The following FOXP1 variants were observed in gnomAD, a reference collection of about 807,000 sequenced individuals.
FOXP1 encodes forkhead box P1.
FOXP1 carries 15 observed loss-of-function variants against 98.2 expected under a neutral mutation model. That is an observed-to-expected ratio of 0.15 (90% CI 0.10 to 0.24). The LOEUF is 0.24. Ranked by LOEUF, FOXP1 falls within the 10% of genes least tolerant of loss-of-function variation. FOXP1 has a pLI of 1.00. For synonymous variants in FOXP1, 371 were observed against 314.5 expected (o/e 1.18, Z -1.90); for missense variants, 633 against 848.5 (o/e 0.75, Z 3.15).
intron 7 of FOXP1, among the ~76,000 whole-genome samples, chr3:71,065,974 T>C (rs971898984): frequency 6.6e-5 from 10 of 151,874 alleles, no homozygotes; most frequent in Non-Finnish European, 1.3e-4. Context: ...AAAAACTTCC[T>C]GGCCTGTATA....
chr3:71,255,879 A>G (rs559245085), intron 5 of FOXP1, among the ~76,000 whole-genome samples: 3 of 152,358 alleles, frequency 2.0e-5, no homozygotes, highest in African/African-American at 7.2e-5. Context: ...AATGAACATG[A>G]AATTAAACAG....
chr3:71,429,492 G>A (rs1388339753), intron 3 of FOXP1, among the ~76,000 whole-genome samples: 6 of 116,072 alleles, frequency 5.2e-5, no homozygotes, highest in African/African-American at 1.3e-4. Context: ...GTGGGGGGGC[G>A]GGAGGGGGGG....
chr3:71,153,801 A>G (rs746811762), intron 6 of FOXP1, among the ~76,000 whole-genome samples: 1 of 152,262 alleles, frequency 6.6e-6, no homozygotes, highest in African/African-American at 2.4e-5. Flanking sequence ...ATCACAAGTC[A>G]GACAACCTAA....
At chr3:70,961,466 A>C (rs1181169632) in intron 20 of FOXP1, among the ~76,000 whole-genome samples, 1 of 146,716 alleles carries the variant, frequency 6.8e-6, no homozygotes, top group Non-Finnish European at 1.5e-5. Context: ...CCTGACCTCA[A>C]GTGATCCACC....
intron 3 of FOXP1, among the ~76,000 whole-genome samples, chr3:71,365,043 T>C (rs923187342): frequency 1.3e-5 from 2 of 152,252 alleles, no homozygotes; most frequent in African/African-American, 4.8e-5. Flanking sequence ...TAATCACATG[T>C]AAACAAGTGG....
chr3:71,573,481 T>C (rs2047495413), intron 2 of FOXP1: 1 of 152,160 alleles, frequency 6.6e-6, no homozygotes, highest in Non-Finnish European at 1.5e-5. Flanking sequence ...TATAAGAATT[T>C]GTTGTAAGCT....
chr3:71,563,115 G>A (rs1446975049), intron 2 of FOXP1, among the ~76,000 whole-genome samples: 2 of 152,176 alleles, frequency 1.3e-5, no homozygotes, highest in African/African-American at 4.8e-5. Context: ...ATGTGTATGT[G>A]TGTGACTGTG....
Position 71,255,850 on chromosome 3 carries a change from G to A in FOXP1, c.-12+43970C>T, listed in dbSNP as rs566254826. 7.2e-5 allele frequency among the ~76,000 whole-genome samples: 11 copies of A among 152,216 alleles called. No homozygotes were observed. In the South Asian group the frequency reaches 2.3e-3, roughly 32 times the overall value. On this transcript the variant is annotated intron_variant, in intron 5 of 20. Coordinates refer to ENST00000649528, the MANE Select transcript of FOXP1 (RefSeq NM_001349338.3). Reference sequence around the variant, plus strand: ...TGGCAAACTTCCCCACAAACTACATGCAAGAAGTAATTAAAGTAAATGAAC... The same window carrying A: ...TGGCAAACTTCCCCACAAACTACATACAAGAAGTAATTAAAGTAAATGAAC...
At chr3:71,388,627 G>A (rs957895745) in intron 3 of FOXP1, among the ~76,000 whole-genome samples, 1 of 151,916 alleles carries the variant, frequency 6.6e-6, no homozygotes, top group Non-Finnish European at 1.5e-5. Context: ...TAAAGCACAA[G>A]GTAACACTTA....
chr3:71,441,412 C>T (rs2085927941), intron 3 of FOXP1, among the ~76,000 whole-genome samples: 1 of 152,238 alleles, frequency 6.6e-6, no homozygotes, highest in Non-Finnish European at 1.5e-5. Flanking sequence ...GTCAACAGCG[C>T]TGAAGTTAGC....
At chr3:71,563,224 A>T (rs1385418854) in intron 2 of FOXP1, among the ~76,000 whole-genome samples, 1 of 152,184 alleles carries the variant, frequency 6.6e-6, no homozygotes, top group Admixed American at 6.6e-5. Flanking sequence ...TGGCTACTCT[A>T]TGGGGTGCAG....
chr3:71,204,416 C>T (rs556879481), intron 5 of FOXP1, among the ~76,000 whole-genome samples: 1 of 152,158 alleles, frequency 6.6e-6, no homozygotes, highest in Admixed American at 6.5e-5. Flanking sequence ...GGATATTAAA[C>T]CAGTTCTGTA....
intron 14 of FOXP1, among the ~76,000 whole-genome samples, chr3:70,984,149 C>A (rs993923207): frequency 1.3e-5 from 2 of 152,190 alleles, no homozygotes; most frequent in African/African-American, 4.8e-5. Context: ...AGAGCTAGAG[C>A]TTAGGGCTGC....
chr3:71,482,709 A>G (rs2090370951), intron 3 of FOXP1, among the ~76,000 whole-genome samples: 1 of 151,738 alleles, frequency 6.6e-6, no homozygotes, highest in East Asian at 2.0e-4. Context: ...CTAATAATAC[A>G]TAACTTTAAA....
chr3:71,527,284 T>C (rs2043466220), intron 2 of FOXP1, among the ~76,000 whole-genome samples: 1 of 152,162 alleles, frequency 6.6e-6, no homozygotes, highest in Non-Finnish European at 1.5e-5. Flanking sequence ...AAGTTAACAA[T>C]GCCTAATGAT....
At chr3:71,342,719 A>C (rs1288702) in intron 4 of FOXP1, among the ~76,000 whole-genome samples, 13,273 of 151,352 alleles carry the variant, frequency 0.088, 648 homozygotes, top group South Asian at 0.15. Flanking sequence ...CCTTGATCCA[A>C]GTCTAAAATC....
rs1030182052 is a variant in FOXP1, at chr3:71,399,929, A to C, written c.-167-40685T>G. Among the ~76,000 whole-genome samples the C allele has an allele frequency of 2.0e-5, 3 of 152,336 alleles. No homozygotes were observed. In the East Asian group the frequency reaches 5.8e-4, roughly 29 times the overall value. On this transcript the variant is annotated intron_variant, in intron 3 of 20. Transcript: ENST00000649528. ...ATGTAGCAAATGCCTAGTATGTTCC[A>C]CATCAATCTGTGAATCCCAAGATAA...
intron 11 of FOXP1, among the ~76,000 whole-genome samples, chr3:71,025,954 T>A (rs2046057998): frequency 6.6e-6 from 1 of 152,210 alleles, no homozygotes; most frequent in African/African-American, 2.4e-5. Context: ...GTCTTGAATT[T>A]TTCTAAGAAA....
chr3:71,207,009 C>T (rs917741210), intron 5 of FOXP1, among the ~76,000 whole-genome samples: 1 of 152,166 alleles, frequency 6.6e-6, no homozygotes, highest in Non-Finnish European at 1.5e-5. Flanking sequence ...TGAAAAGGAG[C>T]TTTGCCAATC....
Sources: gnomAD v4.1 joint callset for allele counts (sites outside exome capture counted in the v4.1 genomes callset) on GRCh38, gnomAD v4.1.1 for gene constraint, MANE v1.5 for transcripts, NCBI Gene and HGNC (gene_info 2026-07-23, HGNC 2026-07-21) for gene names.